FGF13: variants seen among roughly 807,000 people sequenced by gnomAD.
FGF13 encodes the protein fibroblast growth factor 13.
Under a neutral mutation model 19.5 loss-of-function variants are expected in FGF13, and 2 were observed. That is an observed-to-expected ratio of 0.10 (90% CI 0.04 to 0.32). The LOEUF (loss-of-function observed/expected upper bound fraction) is 0.32, where lower values mean the gene tolerates loss of function less well. Ranked by LOEUF, FGF13 falls within the 10% of genes least tolerant of loss-of-function variation. The probability of loss-of-function intolerance (pLI) is 1.00; values close to 1 mark genes in which losing one functional copy is unlikely to be tolerated. For missense variants in FGF13, 113 were observed against 192.7 expected, an observed-to-expected ratio of 0.59 and a Z score of 2.45; for synonymous variants, 72 against 76.9, an observed-to-expected ratio of 0.94 and a Z score of 0.33.
intron 1 of FGF13, among the ~76,000 whole-genome samples, chrX:138,734,305 T>C (rs1470019746): frequency 8.9e-6 from 1 of 111,846 alleles, no homozygotes; most frequent in Non-Finnish European, 1.9e-5. Flanking sequence ...TATTCTACTG[T>C]ATAGCAGTGG....
intron 1 of FGF13, among the ~76,000 whole-genome samples, chrX:138,958,253 C>T (rs769156312): frequency 3.5e-4 from 39 of 111,776 alleles, no homozygotes; most frequent in East Asian, 2.8e-3. Context: ...TGAATTTTGT[C>T]AAAGGCCTTT....
intron 1 of FGF13, among the ~76,000 whole-genome samples, chrX:139,201,675 C>G (rs779995174): frequency 8.9e-6 from 1 of 112,150 alleles, no homozygotes; most frequent in South Asian, 3.7e-4. Flanking sequence ...GAAATATGGT[C>G]AACATATATA....
intron 1 of FGF13, among the ~76,000 whole-genome samples, chrX:139,187,115 T>C: frequency 8.9e-6 from 1 of 112,884 alleles, no homozygotes; most frequent in Non-Finnish European, 1.9e-5. Flanking sequence ...CAACACCCAA[T>C]ACGTGTTCCT....
intron 1 of FGF13, among the ~76,000 whole-genome samples, chrX:139,058,145 G>C (rs896129201): frequency 3.6e-5 from 4 of 111,597 alleles, no homozygotes; most frequent in Non-Finnish European, 7.5e-5. Context: ...GCATCGTCTT[G>C]AATGCTATGT....
chrX:138,696,994 A>C (rs1195590777), intron 3 of FGF13, among the ~76,000 whole-genome samples: 1 of 112,546 alleles, frequency 8.9e-6, no homozygotes. Context: ...TGTTTAAAAC[A>C]GTAATTCTTA....
intron 1 of FGF13, among the ~76,000 whole-genome samples, chrX:138,875,462 T>C (rs887696011): frequency 9.0e-6 from 1 of 111,686 alleles, no homozygotes; most frequent in Non-Finnish European, 1.9e-5. Context: ...ACTGAATTAG[T>C]GTCACTTGTT....
chrX:139,028,616 T>TGTGTGTGTGTGA (rs1432577338), intron 1 of FGF13, among the ~76,000 whole-genome samples: 14 of 74,287 alleles, frequency 1.9e-4, no homozygotes, highest in East Asian at 5.3e-4. Context: ...TGTGTGTGTG[T>TGTGTGTGTGTGA]GAGAGAGAGA....
At chrX:138,764,255 T>A (rs1005659455) in intron 3 of FGF13, among the ~76,000 whole-genome samples, 4 of 112,259 alleles carry the variant, frequency 3.6e-5, no homozygotes, top group African/African-American at 1.3e-4. Context: ...CTTTTCCAGA[T>A]GAAAGCATGT....
chrX:139,140,439 C>T (rs773508122), intron 1 of FGF13, among the ~76,000 whole-genome samples: 1 of 111,553 alleles, frequency 9.0e-6, no homozygotes, highest in African/African-American at 3.3e-5. Flanking sequence ...ACCTCTCCAT[C>T]TCCAGGCCCA....
chrX:138,927,551 C>A (rs2091680180), intron 1 of FGF13, among the ~76,000 whole-genome samples: 1 of 112,444 alleles, frequency 8.9e-6, no homozygotes, highest in Non-Finnish European at 1.9e-5. Context: ...CATCCTCCTA[C>A]ACAAGCTTAA....
At chrX:138,766,343 G>A (rs970390568) in intron 3 of FGF13, among the ~76,000 whole-genome samples, 6 of 111,802 alleles carry the variant, frequency 5.4e-5, no homozygotes, top group African/African-American at 1.3e-4. Flanking sequence ...TGAAATTTTA[G>A]AGGACATCAA....
At chrX:138,815,745 A>G (rs1286994708) in intron 3 of FGF13, among the ~76,000 whole-genome samples, 2 of 110,442 alleles carry the variant, frequency 1.8e-5, no homozygotes, top group African/African-American at 6.6e-5. Context: ...CAATGTGCAC[A>G]TGTACCCTAA....
At chrX:138,640,467 T>A (rs957765650) in intron 3 of FGF13, among the ~76,000 whole-genome samples, 2 of 112,229 alleles carry the variant, frequency 1.8e-5, no homozygotes, top group African/African-American at 3.2e-5. Context: ...AATAGTGGCC[T>A]GGCTTGCCCC....
intron 1 of FGF13, among the ~76,000 whole-genome samples, chrX:138,939,569 C>T (rs926048720): frequency 1.8e-5 from 2 of 110,992 alleles, no homozygotes; most frequent in African/African-American, 6.5e-5. Context: ...CTCCCTCCTC[C>T]CAACCCCCAC....
intron 1 of FGF13, among the ~76,000 whole-genome samples, chrX:138,874,004 G>A (rs2091372740): frequency 1.1e-5 from 1 of 94,563 alleles, no homozygotes; most frequent in Admixed American, 1.2e-4. Context: ...GGCCTGTTGT[G>A]GGGTGGGGGG....
chrX:139,098,583 A>G, intron 1 of FGF13, among the ~76,000 whole-genome samples: 1 of 111,532 alleles, frequency 9.0e-6, no homozygotes, highest in Non-Finnish European at 1.9e-5. Context: ...CTGTTGTAGC[A>G]ACATGGATGC....
chrX:138,678,267 A>C (rs2089693230), intron 3 of FGF13, among the ~76,000 whole-genome samples: 1 of 110,998 alleles, frequency 9.0e-6, no homozygotes, highest in East Asian at 2.9e-4. Context: ...ACCTAATGCT[A>C]AATGACAAGT....
chrX:138,742,812 C>T (rs1432075351), upstream of FGF13, among the ~76,000 whole-genome samples: 4 of 111,923 alleles, frequency 3.6e-5, no homozygotes, highest in African/African-American at 1.3e-4. Flanking sequence ...AAGCTCTTGT[C>T]TCCAGGCCCC....
At chrX:138,999,839 G>T (rs999976663) in intron 1 of FGF13, among the ~76,000 whole-genome samples, 1 of 111,855 alleles carries the variant, frequency 8.9e-6, no homozygotes, top group Non-Finnish European at 1.9e-5. Flanking sequence ...CATTTTATGA[G>T]GCCAGCATGA....
Sources: allele counts gnomAD v4.1 joint callset (sites outside exome capture counted in the v4.1 genomes callset), GRCh38; gene constraint gnomAD v4.1.1; transcripts MANE v1.5; gene names NCBI Gene and HGNC (gene_info 2026-07-23, HGNC 2026-07-21).